Variants in SMG6 observed in about 807,000 individuals in gnomAD.
SMG6 encodes telomerase-binding protein EST1A.
SMG6 carries 66 observed loss-of-function variants against 142.2 expected under a neutral mutation model. That is an observed-to-expected ratio of 0.46 (90% confidence interval 0.38 to 0.57). The LOEUF (loss-of-function observed/expected upper bound fraction) is 0.57. Ranked by LOEUF, SMG6 falls within the 20% of genes least tolerant of loss-of-function variation. The probability of loss-of-function intolerance (pLI) is 0.00; values close to 1 mark genes in which losing one functional copy is unlikely to be tolerated. For missense variants in SMG6, 1,793 were observed against 1,832.0 expected, an observed-to-expected ratio of 0.98 and a Z score of 0.39; for synonymous variants, 779 against 702.4, an observed-to-expected ratio of 1.11 and a Z score of -1.72.
At chr17:2,116,447 G>C (rs2069508913) in intron 13 of SMG6, among the ~76,000 whole-genome samples, 1 of 152,134 alleles carries the variant, frequency 6.6e-6, no homozygotes, top group Admixed American at 6.6e-5. Flanking sequence ...AAGATGGCTG[G>C]GCATGGTGGC....
intron 12 of SMG6, among the ~76,000 whole-genome samples, chr17:2,179,818 G>A (rs1352496630): frequency 6.6e-6 from 1 of 152,126 alleles, no homozygotes; most frequent in East Asian, 1.9e-4. Flanking sequence ...ATCCTCATTC[G>A]GGGTCAGCGC....
intron 10 of SMG6, among the ~76,000 whole-genome samples, chr17:2,211,160 T>C (rs1168702653): frequency 1.3e-5 from 2 of 149,966 alleles, no homozygotes; most frequent in Admixed American, 6.6e-5. Context: ...TGTCTTAGAC[T>C]GGACAACAGT....
At chr17:2,145,497 C>T (rs1045344364) in intron 13 of SMG6, among the ~76,000 whole-genome samples, 5 of 150,684 alleles carry the variant, frequency 3.3e-5, no homozygotes, top group Non-Finnish European at 7.4e-5. Flanking sequence ...AATGGAAGAC[C>T]CTATTAAGCT....
chr17:2,264,498 TAG>T (rs1458233174), intron 8 of SMG6, among the ~76,000 whole-genome samples: 1 of 152,214 alleles, frequency 6.6e-6, no homozygotes, highest in Non-Finnish European at 1.5e-5. Context: ...ATCTCTCACA[TAG>T]AGAGGAATGT....
intron 13 of SMG6, among the ~76,000 whole-genome samples, chr17:2,125,040 G>C (rs1191481302): frequency 6.6e-6 from 1 of 152,032 alleles, no homozygotes; most frequent in Non-Finnish European, 1.5e-5. Context: ...CTCATTTGGG[G>C]CACTATGGTC....
At chr17:2,169,183 C>T (rs898959814) in intron 13 of SMG6, among the ~76,000 whole-genome samples, 2 of 151,790 alleles carry the variant, frequency 1.3e-5, no homozygotes, top group East Asian at 2.0e-4. Flanking sequence ...GCAACAGAAT[C>T]GCTTGAACCC....
chr17:2,264,623 T>A (rs1436448272), intron 8 of SMG6, among the ~76,000 whole-genome samples: 1 of 152,190 alleles, frequency 6.6e-6, no homozygotes, highest in Non-Finnish European at 1.5e-5. Flanking sequence ...CTTCCTAGGC[T>A]GGACACAGTG....
intron 13 of SMG6, among the ~76,000 whole-genome samples, chr17:2,103,155 A>T (rs2069058757): frequency 6.6e-6 from 1 of 152,118 alleles, no homozygotes; most frequent in Non-Finnish European, 1.5e-5. Flanking sequence ...GAATGCCCAG[A>T]ATTGGGATTA....
At chr17:2,194,715 A>C (rs1597571088) in intron 10 of SMG6, among the ~76,000 whole-genome samples, 1 of 151,206 alleles carries the variant, frequency 6.6e-6, no homozygotes, top group East Asian at 1.9e-4. Flanking sequence ...AACAAAACAA[A>C]AAAAAAAAGA....
chr17:2,105,337 G>A (rs2069126670), intron 13 of SMG6, among the ~76,000 whole-genome samples: 1 of 151,900 alleles, frequency 6.6e-6, no homozygotes, highest in African/African-American at 2.4e-5. Flanking sequence ...CCTGAGGTCA[G>A]GAGTTTGAGA....
rs10635640 is a variant in SMG6, at chr17:2,140,671, CAA to C, written c.3357+31985_3357+31986del. On this transcript the variant is annotated intron_variant, in intron 13 of 18. Transcript: ENST00000263073. Reference sequence around the variant, plus strand: ...TGGGTGACAGAGTGAGATTCCATCTCAAAAAAAAAAAAAAAAATTCTTCATAT... The same window carrying C: ...TGGGTGACAGAGTGAGATTCCATCTCAAAAAAAAAAAAAAATTCTTCATAT... 3.4e-4 allele frequency among the ~76,000 whole-genome samples: 36 copies of C among 107,390 alleles called. 1 individual carries two copies. Among genetic ancestry groups the C allele is most frequent in the Middle Eastern group, 5.6e-3 (1 of 180 alleles). 70.5% of individuals were successfully genotyped at this position (107,390 alleles called of 152,430 possible). A position where few individuals can be genotyped will look rare whatever the true frequency, so the allele number is the denominator to read the frequency against.
intron 8 of SMG6, among the ~76,000 whole-genome samples, chr17:2,273,092 G>A (rs2074573861): frequency 6.6e-6 from 1 of 152,290 alleles, no homozygotes. Context: ...GTGTTTTACA[G>A]GGAAAATGTG....
Position 2,081,870 on chromosome 17 carries a change from G to A in SMG6, c.3621C>T (p.Ala1207=). The part of the protein sequence containing the change: ...GGEDDIRELR[A]KKLALARKIA... ...TCTTCCTGGCCAGAGCCAGCTTCTT[G>A]GCCCGAAGCTCCCTGATGTCATCCT... is the stretch of plus-strand genomic sequence containing the variant. The change falls in exon 15 of 19, where the codon GCC becomes GCT. Residue 1207 remains alanine, a synonymous_variant. Coordinates refer to ENST00000263073, the MANE Select transcript of SMG6 (RefSeq NM_017575.5). 6.2e-7 allele frequency: 1 copy of A among 1,614,096 alleles called. No individual in the cohort carries two copies. The highest frequency in any genetic ancestry group is 2.2e-5 in the East Asian group (1 of 44,884).
intron 10 of SMG6, among the ~76,000 whole-genome samples, chr17:2,234,347 C>T (rs1395799601): frequency 1.3e-5 from 2 of 151,440 alleles, no homozygotes; most frequent in African/African-American, 2.4e-5. Context: ...CTGCAACCTC[C>T]ACCTCCCAGG....
intron 13 of SMG6, chr17:2,127,922 G>C (rs1416630510): frequency 1.8e-6 from 1 of 566,112 alleles, no homozygotes; most frequent in East Asian, 4.7e-5. Flanking sequence ...TCCAGTACCT[G>C]GACCAATGCA....
chr17:2,283,770 A>T (rs1361233385), intron 6 of SMG6, 35 bp from the exon 7 acceptor site: 1 of 1,547,774 alleles, frequency 6.5e-7, no homozygotes, highest in South Asian at 1.1e-5. Context: ...CAGTCAACCA[A>T]TTCTCGTCCT....
At chr17:2,183,745 GACACACACACACACAC>G (rs56210030) in intron 12 of SMG6, among the ~76,000 whole-genome samples, 488 of 146,446 alleles carry the variant, frequency 3.3e-3, no homozygotes, top group Middle Eastern at 0.028. Flanking sequence ...AGGTGCGTGC[GACACACACACACACAC>G]ACACACACAC....
At chr17:2,156,393 C>CAAAAAAAAAA (rs34203812) in intron 13 of SMG6, among the ~76,000 whole-genome samples, 12 of 55,408 alleles carry the variant, frequency 2.2e-4, no homozygotes, top group South Asian at 8.3e-4. Context: ...CACTCCTTCT[C>CAAAAAAAAAA]AAAAAAAAAA....
chr17:2,216,173 G>A (rs2073014035), intron 10 of SMG6, among the ~76,000 whole-genome samples: 3 of 152,106 alleles, frequency 2.0e-5, no homozygotes, highest in African/African-American at 7.2e-5. Flanking sequence ...CGGGCAAGGT[G>A]GAAACTCAGA....
Sources: allele counts gnomAD v4.1 joint callset (sites outside exome capture counted in the v4.1 genomes callset), GRCh38; gene constraint gnomAD v4.1.1; transcripts MANE v1.5; gene names NCBI Gene and HGNC (gene_info 2026-07-23, HGNC 2026-07-21).